Variants in PRPF31 observed in about 807,000 individuals in gnomAD.
The protein encoded by PRPF31 is U4/U6 small nuclear ribonucleoprotein Prp31.
A neutral mutation model predicts 60.4 loss-of-function variants in PRPF31; 12 were observed. That is an observed-to-expected ratio of 0.20 (90% CI 0.13 to 0.32). The LOEUF is 0.32. Ranked by LOEUF, PRPF31 falls within the 10% of genes least tolerant of loss-of-function variation. The probability of loss-of-function intolerance (pLI) is 1.00; values close to 1 mark genes in which losing one functional copy is unlikely to be tolerated. For synonymous variants in PRPF31, 287 were observed against 287.9 expected (o/e 1.00, Z 0.03); for missense variants, 431 against 687.1 (o/e 0.63, Z 4.17).
At position 54,131,632 on chromosome 19, in the gene PRPF31, C is replaced by A; in HGVS notation, c.*200C>A. 1 of 706,646 alleles carries A rather than the reference C, an allele frequency of 1.4e-6. No homozygotes were observed. Among genetic ancestry groups the A allele is most frequent in the Non-Finnish European group, 2.4e-6 (1 of 420,894 alleles). The allele number at this position is 706,646 out of a possible 1,614,324, so 43.8% of individuals were successfully genotyped here. A position where few individuals can be genotyped will look rare whatever the true frequency, so the allele number is the denominator to read the frequency against. On this transcript the variant is annotated 3_prime_UTR_variant, in exon 14 of 14. Coordinates refer to ENST00000321030, the MANE Select transcript of PRPF31 (RefSeq NM_015629.4). ...GATCACCGCCCAGTATGGGCTAGAG[C>A]AGGTCTTCATCATGCCTTGTCTTTT...
rs119475042 is a variant in PRPF31 at position 54,123,867 on chromosome 19, G to A, written c.646G>A (p.Ala216Thr). The A allele has an allele frequency of 6.2e-6, 10 of 1,613,898 alleles. No homozygotes were observed. The highest frequency in any genetic ancestry group is 8.5e-6 in the Non-Finnish European group (10 of 1,179,996). Residue 216 changes from alanine (A) to threonine (T), a missense_variant, in exon 7 of 14, where the codon GCA (alanine) becomes ACA (threonine). This residue lies in a region of PRPF31 where 314 missense variants were observed against 475.3 expected (regional missense o/e 0.66). Coordinates refer to ENST00000321030, the MANE Select transcript of PRPF31 (RefSeq NM_015629.4). The stretch of plus-strand genomic sequence containing the variant: ...TGTGGAGTCCCGGATGTCCTTCATC[G>A]CACCCAACCTGTCCATCATTATCGG... ...EYVESRMSFI[A>T]PNLSIIIGAS...
At position 54,129,145 on chromosome 19, in the gene PRPF31, T is replaced by A; in HGVS notation, c.1235T>A (p.Val412Glu). The change falls in exon 12 of 14, where the codon GTA becomes GAA. Residue 412 changes from valine (V) to glutamate (E), a missense_variant. Physicochemically the swap from Val to Glu is moderately radical, Grantham distance 121 (BLOSUM62 -2). Transcript: ENST00000321030. ...SGSGRVRQTQ[V>E]NEATKARISK... ...AGTGGGCGTGTGCGGCAGACACAGG[T>A]AAACGAGGCCACCAAGGCCAGGATC... is the stretch of plus-strand genomic sequence containing the variant. 1 of 1,581,206 alleles carries A rather than the reference T, an allele frequency of 6.3e-7. No homozygotes were observed.
intron 11 of PRPF31, 116 bp downstream of exon 11, chr19:54,128,493 GC>G: frequency 9.4e-7 from 1 of 1,065,202 alleles, no homozygotes; most frequent in Non-Finnish European, 1.4e-6. Context: ...CTAGGGCGCT[GC>G]CCCAGCCTCC....
intron 9 of PRPF31, 27 bp from the exon 10 acceptor site, chr19:54,128,046 G>A: frequency 6.5e-7 from 1 of 1,548,362 alleles, no homozygotes; most frequent in Non-Finnish European, 8.7e-7. Flanking sequence ...GCGAGCAGCT[G>A]CAGGACCTCC....
chr19:54,121,075 T>C (rs1300728691), intron 3 of PRPF31, among the ~76,000 whole-genome samples: 1 of 152,098 alleles, frequency 6.6e-6, no homozygotes, highest in African/African-American at 2.4e-5. Context: ...ATGGATCACC[T>C]GAGGTCGGGA....
chr19:54,131,441 G>A lies in PRPF31; in HGVS notation c.*9G>A, dbSNP rs369008153. 3.3e-5 allele frequency: 53 copies of A among 1,614,008 alleles called. No individual in the cohort carries two copies. Among genetic ancestry groups the A allele is most frequent in the Non-Finnish European group, 4.0e-5 (47 of 1,179,992 alleles). On this transcript the variant is annotated 3_prime_UTR_variant, in exon 14 of 14. Coordinates refer to ENST00000321030, the MANE Select transcript of PRPF31 (RefSeq NM_015629.4). ...GCCTTATGTCCACCTGAATGACTGC[G>A]TGTGTCCAAGGTGGCTTCCCACTGA...
chr19:54,116,962 G>C (rs1263345397), intron 1 of PRPF31, among the ~76,000 whole-genome samples: 1 of 152,202 alleles, frequency 6.6e-6, no homozygotes, highest in Admixed American at 6.5e-5. Flanking sequence ...CGGGCGTGCT[G>C]GTGCGTGCCT....
At chr19:54,126,090 C>T (rs1157337425) in intron 8 of PRPF31, among the ~76,000 whole-genome samples, 11 of 152,226 alleles carry the variant, frequency 7.2e-5, no homozygotes, top group Non-Finnish European at 1.5e-4. Context: ...GGCTCCATCA[C>T]CTGCTGGCTG....
chr19:54,118,644 C>T lies in PRPF31; in HGVS notation c.238+11C>T, dbSNP rs1163982516. On this transcript the variant is annotated intron_variant, in intron 3 of 13. Coordinates refer to ENST00000321030, the MANE Select transcript of PRPF31 (RefSeq NM_015629.4). ...CCAAAGCTTCAGAAGGTGCTTCCTC[C>T]CACTCTGTGCCCCTCCCCATCTCCT... is the stretch of plus-strand genomic sequence containing the variant. 1.2e-6 allele frequency: 2 copies of T among 1,613,446 alleles called. No homozygotes were observed. Among genetic ancestry groups the T allele is most frequent in the African/African-American group, 2.7e-5 (2 of 74,876 alleles).
intron 3 of PRPF31, 126 bp downstream of exon 3, chr19:54,118,759 G>A: frequency 1.1e-6 from 1 of 876,920 alleles, no homozygotes; most frequent in Admixed American, 2.4e-5. Flanking sequence ...TTTTTTTTTT[G>A]TTTCACCCCA....
intron 8 of PRPF31, among the ~76,000 whole-genome samples, chr19:54,125,967 A>G (rs2073911568): frequency 6.6e-6 from 1 of 152,136 alleles, no homozygotes; most frequent in Non-Finnish European, 1.5e-5. Flanking sequence ...GCCATCTCAC[A>G]TCGGTCCAGG....
chr19:54,117,683 C>CA (rs57949221), intron 1 of PRPF31, among the ~76,000 whole-genome samples: 21,577 of 80,338 alleles, frequency 0.27, 1,752 homozygotes, highest in Middle Eastern at 0.36. Context: ...CTTGACTCTA[C>CA]AAAAAAAAAA....
At chr19:54,122,045 G>A in intron 4 of PRPF31, 102 bp downstream of exon 4, 3 of 1,264,594 alleles carry the variant, frequency 2.4e-6, no homozygotes, top group East Asian at 2.5e-5. Context: ...CTAAGCCCAA[G>A]CTCAGATCGA....
chr19:54,118,311 C>T lies in PRPF31; in HGVS notation c.33C>T (p.Leu11=), dbSNP rs760236177. The part of the protein sequence containing the change: MSLADELLAD[L]EEAAEEEEGG... Reference sequence around the variant, plus strand: ...TGGCAGATGAGCTCTTAGCTGATCTCGAAGAGGCAGCAGAAGAGGAGGAAG... The same window carrying T: ...TGGCAGATGAGCTCTTAGCTGATCTTGAAGAGGCAGCAGAAGAGGAGGAAG... The change falls in exon 2 of 14, where the codon CTC becomes CTT. Residue 11 remains leucine (L), a synonymous_variant. Transcript: ENST00000321030. 9.3e-6 allele frequency: 15 copies of T among 1,613,212 alleles called. No individual in the cohort carries two copies. In the East Asian group the frequency reaches 1.1e-4, roughly 12 times the overall value.
intron 13 of PRPF31, 69 bp from the exon 14 acceptor site, chr19:54,131,238 G>C: frequency 6.3e-7 from 1 of 1,592,376 alleles, no homozygotes; most frequent in Admixed American, 1.7e-5. Flanking sequence ...GGCCTGGGGG[G>C]CTCTGATGGG....
chr19:54,128,506 C>T (rs587727892), intron 11 of PRPF31, 129 bp downstream of exon 11: 46 of 940,656 alleles, frequency 4.9e-5, no homozygotes, highest in Admixed American at 2.7e-4. Context: ...CCAGCCTCCC[C>T]CCCCCCGGCC....
rs776847579 is a variant in PRPF31 at position 54,118,261 on chromosome 19, C to T, written c.-8-10C>T. The T allele has an allele frequency of 1.2e-6, 2 of 1,612,232 alleles. No individual in the cohort carries two copies. Among genetic ancestry groups the T allele is most frequent in the African/African-American group, 1.3e-5 (1 of 74,846 alleles). On this transcript the variant is annotated splice_polypyrimidine_tract_variant and intron_variant, in intron 1 of 13. Transcript: ENST00000321030. ...GCAAGTTTTTAGGGAACGCTGCTGT[C>T]CCTCCCCAGGCCTCGGGATGTCTCT...
chr19:54,123,953 T>C (rs761854272), intron 7 of PRPF31, 35 bp downstream of exon 7: 3 of 1,610,922 alleles, frequency 1.9e-6, no homozygotes, highest in South Asian at 1.1e-5. Context: ...GGAGCGGGGG[T>C]CTGCTGACAC....
At chr19:54,128,470 C>A in intron 11 of PRPF31, 93 bp downstream of exon 11, 1 of 1,318,664 alleles carries the variant, frequency 7.6e-7, no homozygotes. Flanking sequence ...CGTCCTGTGG[C>A]CCTGGCTCAT....
Sources: gnomAD v4.1 joint callset for allele counts (sites outside exome capture counted in the v4.1 genomes callset) on GRCh38, gnomAD v4.1.1 for gene constraint, gnomAD v4.1.1 regional missense constraint, MANE v1.5 for transcripts, NCBI Gene and HGNC (gene_info 2026-07-23, HGNC 2026-07-21) for gene names.